Variants in NRG3 observed in about 807,000 individuals in gnomAD.
The protein encoded by NRG3 is pro-neuregulin-3, membrane-bound isoform.
A neutral mutation model predicts 66.9 loss-of-function variants in NRG3; 31 were observed. The observed-to-expected ratio is 0.46, with a 90% CI of 0.35 to 0.63. The LOEUF (loss-of-function observed/expected upper bound fraction) is 0.63, where lower values mean the gene tolerates loss of function less well. Among genes scored for constraint, NRG3 ranks in the 20% least tolerant of loss-of-function variants. NRG3 has a pLI of 0.00. For missense variants in NRG3, 910 were observed against 878.9 expected, an observed-to-expected ratio of 1.04 and a Z score of -0.45; for synonymous variants, 393 against 359.4, an observed-to-expected ratio of 1.09 and a Z score of -1.06.
chr10:82,052,528 T>A (rs897063001), intron 1 of NRG3, among the ~76,000 whole-genome samples: 2 of 152,184 alleles, frequency 1.3e-5, no homozygotes, highest in Non-Finnish European at 2.9e-5. Context: ...CAATGTGAAA[T>A]TTTGTCCACA....
chr10:82,193,168 A>G (rs1303883893), intron 1 of NRG3, among the ~76,000 whole-genome samples: 7 of 152,180 alleles, frequency 4.6e-5, no homozygotes, highest in Non-Finnish European at 7.4e-5. Context: ...TTTTAGACGG[A>G]GTCTCACTTT....
intron 2 of NRG3, among the ~76,000 whole-genome samples, chr10:82,704,668 G>C (rs927851322): frequency 1.3e-5 from 2 of 152,104 alleles, no homozygotes; most frequent in Non-Finnish European, 2.9e-5. Context: ...TTCATATCAA[G>C]TAAAAATGTT....
intron 1 of NRG3, among the ~76,000 whole-genome samples, chr10:82,203,051 G>C (rs188534828): frequency 1.3e-5 from 2 of 152,220 alleles, no homozygotes; most frequent in East Asian, 3.9e-4. Flanking sequence ...GAGTAACTGG[G>C]AATAATTTGA....
intron 2 of NRG3, among the ~76,000 whole-genome samples, chr10:82,465,896 C>G (rs1031654745): frequency 1.3e-5 from 2 of 152,150 alleles, no homozygotes; most frequent in African/African-American, 4.8e-5. Context: ...GTTTATGACT[C>G]TAGCCAGGGA....
chr10:82,596,654 T>C (rs919474202), intron 2 of NRG3, among the ~76,000 whole-genome samples: 3 of 152,120 alleles, frequency 2.0e-5, no homozygotes, highest in Non-Finnish European at 4.4e-5. Context: ...TAGCGGTATG[T>C]TTTTACCTAG....
intron 2 of NRG3, among the ~76,000 whole-genome samples, chr10:82,448,054 G>GA (rs1164626621): frequency 6.6e-6 from 1 of 152,172 alleles, no homozygotes; most frequent in Non-Finnish European, 1.5e-5. Flanking sequence ...CCAAATAGAG[G>GA]AAGCATTCAA....
chr10:82,094,217 T>C (rs573375499), intron 1 of NRG3, among the ~76,000 whole-genome samples: 75 of 152,198 alleles, frequency 4.9e-4, no homozygotes, highest in Non-Finnish European at 9.0e-4. Context: ...TTTATGAGAT[T>C]TGTATGTTTG....
intron 1 of NRG3, among the ~76,000 whole-genome samples, chr10:81,992,810 T>C (rs937787646): frequency 2.6e-5 from 4 of 152,138 alleles, no homozygotes; most frequent in South Asian, 4.1e-4. Context: ...GCAACTCCTA[T>C]TGAGTGCCAG....
intron 3 of NRG3, among the ~76,000 whole-genome samples, chr10:82,808,407 A>G (rs1326757596): frequency 6.6e-6 from 1 of 152,180 alleles, no homozygotes; most frequent in Non-Finnish European, 1.5e-5. Context: ...GAGTCGACTC[A>G]TTTCATTTTA....
chr10:82,118,478 T>C (rs1023772351), intron 1 of NRG3, among the ~76,000 whole-genome samples: 6 of 152,062 alleles, frequency 3.9e-5, no homozygotes, highest in Non-Finnish European at 7.4e-5. Flanking sequence ...TTTTTCTTTT[T>C]TAATAGTGTG....
intron 1 of NRG3, among the ~76,000 whole-genome samples, chr10:82,085,507 G>A (rs1179014114): frequency 6.6e-6 from 1 of 152,080 alleles, no homozygotes; most frequent in Non-Finnish European, 1.5e-5. Flanking sequence ...ACCCCATGGT[G>A]GAAGGACAGA....
intron 2 of NRG3, among the ~76,000 whole-genome samples, chr10:82,407,310 C>T (rs2087598624): frequency 1.3e-5 from 2 of 151,926 alleles, no homozygotes; most frequent in South Asian, 4.2e-4. Context: ...AAATTGCCTT[C>T]AACAGGAATT....
intron 1 of NRG3, among the ~76,000 whole-genome samples, chr10:81,907,287 C>T (rs1036891552): frequency 3.3e-5 from 5 of 152,116 alleles, no homozygotes; most frequent in African/African-American, 1.2e-4. Flanking sequence ...GCATCCACTG[C>T]CTAAATGAAA....
chr10:82,375,004 C>T (rs561911593), intron 2 of NRG3, among the ~76,000 whole-genome samples: 2 of 152,198 alleles, frequency 1.3e-5, no homozygotes, highest in Non-Finnish European at 2.9e-5. Context: ...TTTTAAAAGC[C>T]AACTGTTTCC....
At chr10:82,174,866 C>T (rs1398327393) in intron 1 of NRG3, among the ~76,000 whole-genome samples, 1 of 152,074 alleles carries the variant, frequency 6.6e-6, no homozygotes, top group Non-Finnish European at 1.5e-5. Flanking sequence ...CAGATCTCTA[C>T]TTCCCATTTT....
chr10:82,292,963 G>A (rs185906693), intron 1 of NRG3, among the ~76,000 whole-genome samples: 18 of 152,280 alleles, frequency 1.2e-4, no homozygotes, highest in Admixed American at 5.2e-4. Context: ...AGTTGTGTAA[G>A]ATATTACCTT....
intron 4 of NRG3, among the ~76,000 whole-genome samples, chr10:82,879,337 G>A (rs1013378026): frequency 2.6e-5 from 4 of 152,014 alleles, no homozygotes; most frequent in Non-Finnish European, 4.4e-5. Flanking sequence ...AAACGTATAA[G>A]CAAACCCACC....
intron 1 of NRG3, among the ~76,000 whole-genome samples, chr10:81,915,321 G>A (rs151215654): frequency 1.3e-5 from 2 of 152,226 alleles, no homozygotes; most frequent in East Asian, 3.9e-4. Flanking sequence ...CATGTGCTCT[G>A]CTCGTGGTTG....
chr10:82,519,959 C>T (rs1274439769), intron 2 of NRG3, among the ~76,000 whole-genome samples: 1 of 151,936 alleles, frequency 6.6e-6, no homozygotes, highest in Admixed American at 6.6e-5. Flanking sequence ...TGTAGGGAGG[C>T]AACAGAAATT....
Sources: allele counts gnomAD v4.1 joint callset (sites outside exome capture counted in the v4.1 genomes callset), GRCh38; gene constraint gnomAD v4.1.1; transcripts MANE v1.5; gene names NCBI Gene and HGNC (gene_info 2026-07-23, HGNC 2026-07-21).